SNTG1: variants seen among roughly 807,000 people sequenced by gnomAD.
SNTG1 encodes gamma-1-syntrophin.
SNTG1 carries 39 observed loss-of-function variants against 74.7 expected under a neutral mutation model. The ratio of observed to expected loss-of-function variants is 0.52; its 90% confidence interval spans 0.40 to 0.68. The LOEUF (loss-of-function observed/expected upper bound fraction) is 0.68, where lower values mean the gene tolerates loss of function less well. Among genes scored for constraint, SNTG1 ranks in the 30% least tolerant of loss-of-function variants. SNTG1 has a pLI of 0.00. For missense variants in SNTG1, 685 were observed against 609.5 expected (o/e 1.12, Z -1.30); for synonymous variants, 254 against 217.1 (o/e 1.17, Z -1.49).
At chr8:50,150,595 T>C (rs1475172433) in intron 1 of SNTG1, among the ~76,000 whole-genome samples, 1 of 152,222 alleles carries the variant, frequency 6.6e-6, no homozygotes, top group Non-Finnish European at 1.5e-5. Flanking sequence ...TGAGAGTTTT[T>C]AGCATGAAGG....
At chr8:50,637,432 A>T (rs2095046195) in intron 13 of SNTG1, among the ~76,000 whole-genome samples, 1 of 152,088 alleles carries the variant, frequency 6.6e-6, no homozygotes, top group Non-Finnish European at 1.5e-5. Context: ...TGAAGGTTCT[A>T]GTATGCCCAA....
intron 1 of SNTG1, among the ~76,000 whole-genome samples, chr8:50,016,344 T>C (rs1816312601): frequency 6.6e-6 from 1 of 152,166 alleles, no homozygotes; most frequent in Non-Finnish European, 1.5e-5. Flanking sequence ...TTCACTCAGC[T>C]CATGAGGCAC....
At chr8:50,361,722 G>A (rs1271351503) in intron 2 of SNTG1, among the ~76,000 whole-genome samples, 1 of 151,856 alleles carries the variant, frequency 6.6e-6, no homozygotes, top group Non-Finnish European at 1.5e-5. Flanking sequence ...AATCTTACGG[G>A]ACCACTTAAC....
At chr8:50,484,717 C>T (rs551366881) in intron 8 of SNTG1, among the ~76,000 whole-genome samples, 2 of 151,544 alleles carry the variant, frequency 1.3e-5, no homozygotes, top group South Asian at 4.2e-4. Flanking sequence ...AAATTAGCCA[C>T]ACGTGATGGT....
chr8:50,296,548 G>A (rs958206572), intron 2 of SNTG1, among the ~76,000 whole-genome samples: 2 of 152,120 alleles, frequency 1.3e-5, no homozygotes, highest in African/African-American at 4.8e-5. Context: ...TCACCCATAA[G>A]TGGGAGTTGA....
rs148293499 is a variant in SNTG1, at chr8:50,473,203, G to C, written c.363+22474G>C. On this transcript the variant is annotated intron_variant, in intron 8 of 18. Transcript: ENST00000642720. The stretch of plus-strand genomic sequence containing the variant: ...CATGATAGTGAGTGAGTTCTCAGGA[G>C]ATCTAATGATTTTATAAAGGGCTCT... 1.8e-3 allele frequency among the ~76,000 whole-genome samples: 276 copies of C among 152,216 alleles called. 4 individuals are homozygous for C. The highest frequency in any genetic ancestry group is 6.3e-3 in the African/African-American group (261 of 41,538).
intron 18 of SNTG1, among the ~76,000 whole-genome samples, chr8:50,773,760 A>C (rs938744870): frequency 2.0e-5 from 3 of 152,132 alleles, no homozygotes; most frequent in Admixed American, 6.6e-5. Flanking sequence ...GACTCAATAG[A>C]AGCTTTCTTT....
intron 1 of SNTG1, among the ~76,000 whole-genome samples, chr8:50,128,025 C>G (rs979559200): frequency 2.0e-5 from 3 of 152,068 alleles, no homozygotes; most frequent in African/African-American, 7.2e-5. Flanking sequence ...ATGTCTTTTA[C>G]TGCAAACAAA....
intron 9 of SNTG1, among the ~76,000 whole-genome samples, chr8:50,503,390 G>A (rs926917581): frequency 6.6e-6 from 1 of 152,108 alleles, no homozygotes; most frequent in South Asian, 2.1e-4. Flanking sequence ...TGCTTTTGCT[G>A]AAAAATTGAA....
intron 15 of SNTG1, among the ~76,000 whole-genome samples, chr8:50,676,658 A>G (rs2131371086): frequency 6.6e-6 from 1 of 151,858 alleles, no homozygotes; most frequent in East Asian, 1.9e-4. Context: ...TTCTCACACT[A>G]TTGTTTTTAA....
At chr8:50,605,070 C>T (rs1203110609) in intron 13 of SNTG1, among the ~76,000 whole-genome samples, 1 of 152,178 alleles carries the variant, frequency 6.6e-6, no homozygotes, top group Non-Finnish European at 1.5e-5. Context: ...GGCCTCACAA[C>T]TCTGCCCTGT....
intron 12 of SNTG1, among the ~76,000 whole-genome samples, chr8:50,567,418 A>G (rs2094522113): frequency 2.0e-5 from 3 of 151,942 alleles, no homozygotes; most frequent in Admixed American, 2.0e-4. Flanking sequence ...TTCCCTATAT[A>G]CCCTATATGT....
chr8:49,983,057 C>T (rs547337777), intron 1 of SNTG1, among the ~76,000 whole-genome samples: 7 of 152,314 alleles, frequency 4.6e-5, no homozygotes, highest in African/African-American at 1.7e-4. Context: ...CCTCTCATCC[C>T]TACCCAAAGG....
At chr8:50,196,679 G>A (rs1409861916) in intron 2 of SNTG1, among the ~76,000 whole-genome samples, 1 of 152,010 alleles carries the variant, frequency 6.6e-6, no homozygotes, top group South Asian at 2.1e-4. Flanking sequence ...CATATAGGCT[G>A]GGAGTGGTGG....
At chr8:50,419,224 A>G (rs2093051254) in intron 4 of SNTG1, among the ~76,000 whole-genome samples, 1 of 152,170 alleles carries the variant, frequency 6.6e-6, no homozygotes, top group South Asian at 2.1e-4. Flanking sequence ...CAGCTTAACA[A>G]GAAAATAAAT....
intron 1 of SNTG1, among the ~76,000 whole-genome samples, chr8:50,065,235 T>C (rs996587348): frequency 2.0e-5 from 3 of 152,214 alleles, no homozygotes; most frequent in Non-Finnish European, 2.9e-5. Context: ...ATGTGATACA[T>C]TGAATTTACT....
rs146636703 is a variant in SNTG1, at chr8:50,735,670, G to A, written c.1285-16331G>A. On this transcript the variant is annotated intron_variant, in intron 17 of 18. Coordinates refer to ENST00000642720, the MANE Select transcript of SNTG1 (RefSeq NM_018967.5). ...GATTGGTGTACCAGAAAGTGATGGA[G>A]AGAATGGAATCAAGTTGGAAACACT... is the stretch of plus-strand genomic sequence containing the variant. Among the ~76,000 whole-genome samples the A allele has an allele frequency of 6.6e-5, 10 of 152,116 alleles. No homozygotes were observed. The East Asian group carries it at 1.9e-3, about 30-fold the overall frequency.
intron 2 of SNTG1, among the ~76,000 whole-genome samples, chr8:50,189,826 T>A (rs2083503424): frequency 6.6e-6 from 1 of 152,166 alleles, no homozygotes; most frequent in African/African-American, 2.4e-5. Flanking sequence ...ACTATAAAAA[T>A]AGAGATAGGA....
intron 2 of SNTG1, among the ~76,000 whole-genome samples, chr8:50,380,470 A>G (rs1214170221): frequency 6.6e-6 from 1 of 152,256 alleles, no homozygotes; most frequent in Non-Finnish European, 1.5e-5. Flanking sequence ...TTTTCTCTTC[A>G]GTAAACTGAA....
Sources: gnomAD v4.1 joint callset for allele counts (sites outside exome capture counted in the v4.1 genomes callset) on GRCh38, gnomAD v4.1.1 for gene constraint, MANE v1.5 for transcripts, NCBI Gene and HGNC (gene_info 2026-07-23, HGNC 2026-07-21) for gene names.